The following TTC39A variants were observed in gnomAD, a reference collection of about 807,000 sequenced individuals.
TTC39A encodes the protein tetratricopeptide repeat domain 39A.
TTC39A carries 46 observed loss-of-function variants against 82.3 expected under a neutral mutation model. The observed-to-expected ratio is 0.56, with a 90% CI of 0.44 to 0.71. The LOEUF (loss-of-function observed/expected upper bound fraction) is 0.71, where lower values mean the gene tolerates loss of function less well. Ranked by LOEUF, TTC39A falls within the 30% of genes least tolerant of loss-of-function variation. The probability of loss-of-function intolerance (pLI) is 0.00; values close to 1 mark genes in which losing one functional copy is unlikely to be tolerated. For synonymous variants in TTC39A, 254 were observed against 275.2 expected (o/e 0.92, Z 0.76); for missense variants, 543 against 712.9 (o/e 0.76, Z 2.71).
At chr1:51,343,071 G>A (rs542872463) in intron 1 of TTC39A, 6 of 456,230 alleles carry the variant, frequency 1.3e-5, no homozygotes, top group African/African-American at 8.0e-5. Context: ...TCCCAGGCAG[G>A]GAAGGTCCTG....
At chr1:51,327,670 A>G (rs1278467301) in intron 1 of TTC39A, among the ~76,000 whole-genome samples, 1 of 150,418 alleles carries the variant, frequency 6.6e-6, no homozygotes, top group Non-Finnish European at 1.5e-5. Flanking sequence ...GTGAGTAATT[A>G]TTATTTTTTT....
chr1:51,309,226 G>A (rs747750708), intron 6 of TTC39A, 35 bp downstream of exon 6: 2 of 1,576,492 alleles, frequency 1.3e-6, no homozygotes, highest in African/African-American at 1.3e-5. Flanking sequence ...TGTGGCCCAG[G>A]GTCTCCCCAC....
At chr1:51,334,619 CACTCCAGCCTGGGTAACAGAGTGAG>C (rs1400026562), upstream of TTC39A, 2 of 151,484 alleles carry the variant, frequency 1.3e-5, no homozygotes, top group Admixed American at 1.3e-4. Context: ...GGTGCCACCG[CACTCCAGCCTGGGTAACAGAGTGAG>C]ACCCTGTCTC....
At chr1:51,316,356 A>G (rs555005423) in intron 2 of TTC39A, among the ~76,000 whole-genome samples, 2 of 152,196 alleles carry the variant, frequency 1.3e-5, no homozygotes, top group South Asian at 4.2e-4. Context: ...TGACCTGCCC[A>G]TACTGGCTCA....
Position 51,321,805 on chromosome 1 carries a change from T to G in TTC39A, c.62A>C (p.His21Pro). 6.2e-7 allele frequency: 1 copy of G among 1,613,768 alleles called. No individual in the cohort carries two copies. Among genetic ancestry groups the G allele is most frequent in the Non-Finnish European group, 8.5e-7 (1 of 1,179,802 alleles). The part of the protein sequence containing the change: ...LPAGTPESSL[H>P]EALDQCMTAL... ...GGTCATGCACTGGTCCAGGGCCTCA[T>G]GGAGGCTGCTCTCAGGAGTCCTGGG... is the stretch of plus-strand genomic sequence containing the variant. Residue 21 changes from histidine (H) to proline (P), a missense_variant, in exon 2 of 18, where the codon CAT (histidine) becomes CCT (proline). Transcript: ENST00000680483. This position sits in a 1 kb window ranked among gnomAD's most constrained non-coding sequence, Gnocchi z 4.6.
In TTC39A at chr1:51,313,716, C is replaced by T. The variant is rs151036885; in HGVS notation, c.147-773G>A. Among the ~76,000 whole-genome samples, 722 of 152,324 alleles carry T rather than the reference C, an allele frequency of 4.7e-3. 1 individual carries two copies. The highest frequency in any genetic ancestry group is 0.02 in the Middle Eastern group (6 of 294). On this transcript the variant is annotated intron_variant, in intron 2 of 17. Coordinates refer to ENST00000680483, the MANE Select transcript of TTC39A (RefSeq NM_001297663.2). ...TCCCTCAGATTGCAATGCCCTTCTTCGGCCAGGTGTGGTGGCACAGGCCTG... is the reference window on the plus strand; with the variant it reads ...TCCCTCAGATTGCAATGCCCTTCTTTGGCCAGGTGTGGTGGCACAGGCCTG...
chr1:51,317,941 CT>C (rs1645354156), intron 2 of TTC39A, among the ~76,000 whole-genome samples: 1 of 152,096 alleles, frequency 6.6e-6, no homozygotes, highest in African/African-American at 2.4e-5. Flanking sequence ...TACAGGACTC[CT>C]GTTAGAATGC....
chr1:51,290,397 G>A, intron 15 of TTC39A, 117 bp downstream of exon 15: 1 of 930,258 alleles, frequency 1.1e-6, no homozygotes, highest in Non-Finnish European at 1.6e-6. Flanking sequence ...TCAGTCTAGA[G>A]AGATAAAGGA....
intron 5 of TTC39A, among the ~76,000 whole-genome samples, chr1:51,310,102 C>T (rs1645029585): frequency 6.6e-6 from 1 of 152,070 alleles, no homozygotes; most frequent in Non-Finnish European, 1.5e-5. Flanking sequence ...CCCATCTCTA[C>T]TAAAAATACA....
chr1:51,342,275 C>G (rs1368603260), intron 1 of TTC39A, among the ~76,000 whole-genome samples: 1 of 152,148 alleles, frequency 6.6e-6, no homozygotes, highest in African/African-American at 2.4e-5. Context: ...GACTCTGAAG[C>G]CTTTCAGAAT....
At chr1:51,317,478 C>T (rs971269736) in intron 2 of TTC39A, among the ~76,000 whole-genome samples, 1 of 152,088 alleles carries the variant, frequency 6.6e-6, no homozygotes, top group Non-Finnish European at 1.5e-5. Flanking sequence ...GCCTGGTGCG[C>T]TGGCTCACGC....
intron 1 of TTC39A, among the ~76,000 whole-genome samples, chr1:51,329,412 C>G (rs768846885): frequency 1.1e-4 from 16 of 152,160 alleles, no homozygotes; most frequent in Non-Finnish European, 2.2e-4. Flanking sequence ...AGGACTTGGC[C>G]AAAGTCACAC....
In TTC39A at chr1:51,294,467, G is replaced by A. The variant is rs2148126048; in HGVS notation, c.1190C>T (p.Pro397Leu). The change falls in exon 14 of 18, where the codon CCC becomes CTC. Residue 397 changes from proline (P) to leucine (L), a missense_variant. Physicochemically the swap from Pro to Leu is moderately conservative, Grantham distance 98. Coordinates refer to ENST00000680483, the MANE Select transcript of TTC39A (RefSeq NM_001297663.2). This position sits in a 1 kb window ranked among gnomAD's most constrained non-coding sequence, Gnocchi z 4.3. ...LKLKIAGKSLPTEKFAIRKSR... is the reference protein window; with the variant it reads ...LKLKIAGKSLLTEKFAIRKSR... ...CTTCCGGATGGCAAACTTCTCTGTG[G>A]GTAGAGATTTCCCAGCAATCTTGAG... The A allele has an allele frequency of 6.2e-7, 1 of 1,614,004 alleles. No homozygotes were observed. Among genetic ancestry groups the A allele is most frequent in the Non-Finnish European group, 8.5e-7 (1 of 1,179,884 alleles).
chr1:51,301,507 C>A, intron 12 of TTC39A, 65 bp downstream of exon 12: 1 of 1,509,782 alleles, frequency 6.6e-7, no homozygotes, highest in Non-Finnish European at 9.0e-7. Flanking sequence ...GGATTTGGCC[C>A]GTGGTCTGGA....
intron 2 of TTC39A, among the ~76,000 whole-genome samples, chr1:51,318,930 G>A (rs1234047390): frequency 6.6e-6 from 1 of 152,180 alleles, no homozygotes; most frequent in African/African-American, 2.4e-5. Flanking sequence ...CAGACAGCCA[G>A]GGATGGTTGG....
chr1:51,288,284 G>A lies in TTC39A; in HGVS notation c.1611-4C>T, dbSNP rs1201208330. The stretch of plus-strand genomic sequence containing the variant: ...GGAGTAATTCTTGTAGTTTTGCCTG[G>A]AATTGAGCAGCGAATCAGACACATG... On this transcript the variant is annotated splice_region_variant and splice_polypyrimidine_tract_variant and intron_variant, in intron 17 of 17. Transcript: ENST00000680483. The surrounding 1 kb of genome is among the most constrained non-coding windows in gnomAD (Gnocchi z 4.8). 6.2e-7 allele frequency: 1 copy of A among 1,613,954 alleles called. No homozygotes were observed. The highest frequency in any genetic ancestry group is 8.5e-7 in the Non-Finnish European group (1 of 1,179,880).
intron 6 of TTC39A, among the ~76,000 whole-genome samples, chr1:51,306,893 G>C (rs966829993): frequency 7.9e-6 from 1 of 126,732 alleles, no homozygotes; most frequent in African/African-American, 3.1e-5. Flanking sequence ...CTATGAGGGT[G>C]ATGACAGGCT....
chr1:51,293,701 G>A (rs1644306478), intron 14 of TTC39A, among the ~76,000 whole-genome samples: 1 of 152,200 alleles, frequency 6.6e-6, no homozygotes, highest in South Asian at 2.1e-4. Flanking sequence ...AACTTTATCT[G>A]ATGCCTACTC....
chr1:51,292,294 T>C (rs1235381677), intron 14 of TTC39A, among the ~76,000 whole-genome samples: 1 of 152,252 alleles, frequency 6.6e-6, no homozygotes, highest in Non-Finnish European at 1.5e-5. Flanking sequence ...AGATAATGGA[T>C]GTGAAAACAC....
Sources: gnomAD v4.1 joint callset for allele counts (sites outside exome capture counted in the v4.1 genomes callset) on GRCh38, gnomAD v4.1.1 for gene constraint, Gnocchi (gnomAD v3.1) non-coding constraint, MANE v1.5 for transcripts, NCBI Gene and HGNC (gene_info 2026-07-23, HGNC 2026-07-21) for gene names.